The following XPO6 variants were observed in gnomAD, a reference collection of about 807,000 sequenced individuals.
XPO6 encodes exportin 6, also known as exportin-6.
In XPO6, 3 loss-of-function variants were observed where a neutral mutation model predicts 130.0. That is an observed-to-expected ratio of 0.02 (90% confidence interval 0.01 to 0.06). The LOEUF is 0.06. Ranked by LOEUF, XPO6 falls within the 10% of genes least tolerant of loss-of-function variation. XPO6 has a pLI of 1.00. For missense variants in XPO6, 970 were observed against 1,393.0 expected (o/e 0.70, Z 4.83); for synonymous variants, 524 against 548.9 (o/e 0.95, Z 0.63).
intron 11 of XPO6, 91 bp downstream of exon 11, chr16:28,133,750 G>A: frequency 1.8e-6 from 2 of 1,117,886 alleles, no homozygotes; most frequent in Non-Finnish European, 2.6e-6. Context: ...GGGAAAGAGG[G>A]GAGAGAGAGA....
rs1567592040 is a variant in XPO6, at chr16:28,106,823, A to C, written c.2498-326T>G. Among the ~76,000 whole-genome samples the C allele has an allele frequency of 6.6e-6, 1 of 152,172 alleles. No individual in the cohort carries two copies. Among genetic ancestry groups the C allele is most frequent in the Non-Finnish European group, 1.5e-5 (1 of 68,026 alleles). Reference sequence around the variant, plus strand: ...GGATCACTTTGTGCCCACACTGATGAATGCCAACTGGGTCAACACCTGAGT... The same window carrying C: ...GGATCACTTTGTGCCCACACTGATGCATGCCAACTGGGTCAACACCTGAGT... On this transcript the variant is annotated intron_variant, in intron 18 of 23. Transcript: ENST00000304658. The surrounding 1 kb of genome is among the most constrained non-coding windows in gnomAD (Gnocchi z 4.2).
At position 28,106,408 on chromosome 16, in the gene XPO6, G is replaced by C; in HGVS notation, c.2587C>G (p.Gln863Glu). 1 of 1,614,170 alleles carries C rather than the reference G, an allele frequency of 6.2e-7. No homozygotes were observed. The highest frequency in any genetic ancestry group is 8.5e-7 in the Non-Finnish European group (1 of 1,179,976). The part of the protein sequence containing the change: ...MGVPFTEQII[Q>E]TFLNMFTREQ... ...CTGGTAAACATGTTGAGGAAAGTCT[G>C]TATGATTTGCTCAGTGAAAGGCACA... Residue 863 changes from glutamine to glutamate, a missense_variant, in exon 19 of 24, where the codon CAG (glutamine) becomes GAG (glutamate). This residue lies in a region of XPO6 where 936 missense variants were observed against 1,306.8 expected (regional missense o/e 0.72). Coordinates refer to ENST00000304658, the MANE Select transcript of XPO6 (RefSeq NM_015171.4). This position sits in a 1 kb window ranked among gnomAD's most constrained non-coding sequence, Gnocchi z 4.2.
At chr16:28,119,584 T>C (rs1379048046) in intron 14 of XPO6, among the ~76,000 whole-genome samples, 1 of 151,982 alleles carries the variant, frequency 6.6e-6, no homozygotes, top group Non-Finnish European at 1.5e-5. Flanking sequence ...ACAAACACAA[T>C]TGGGTGAACT....
intron 1 of XPO6, among the ~76,000 whole-genome samples, chr16:28,199,042 A>C (rs1312774531): frequency 6.6e-6 from 1 of 152,186 alleles, no homozygotes; most frequent in African/African-American, 2.4e-5. Flanking sequence ...TGGGAGGCTA[A>C]GGCAGGAGAA....
intron 17 of XPO6, chr16:28,111,335 T>C (rs1428537031): frequency 1.3e-5 from 2 of 152,338 alleles, no homozygotes; most frequent in African/African-American, 4.8e-5. Context: ...ACAAGCAAAC[T>C]TCAAGTGCCA....
At chr16:28,210,286 A>G (rs1195842417) in intron 1 of XPO6, among the ~76,000 whole-genome samples, 1 of 152,200 alleles carries the variant, frequency 6.6e-6, no homozygotes, top group Non-Finnish European at 1.5e-5. Context: ...AAAATTCCAC[A>G]GGCCTTAAGG....
chr16:28,182,300 A>T (rs1338919684), intron 1 of XPO6, among the ~76,000 whole-genome samples: 3 of 152,142 alleles, frequency 2.0e-5, no homozygotes, highest in Non-Finnish European at 4.4e-5. Flanking sequence ...CTGAGGAACA[A>T]ATTTTCATCT....
At chr16:28,098,969 C>T (rs778429695) in intron 23 of XPO6, among the ~76,000 whole-genome samples, 17 of 152,300 alleles carry the variant, frequency 1.1e-4, no homozygotes, top group Admixed American at 3.3e-4. Context: ...AAGACCAAAG[C>T]GCTGCACCAT....
At chr16:28,206,167 CAT>C (rs762810221) in intron 1 of XPO6, among the ~76,000 whole-genome samples, 25 of 149,402 alleles carry the variant, frequency 1.7e-4, no homozygotes, top group Admixed American at 2.7e-4. Context: ...CACACACACA[CAT>C]ATTAACTATT....
At chr16:28,124,445 T>C (rs1359371492) in intron 13 of XPO6, among the ~76,000 whole-genome samples, 4 of 152,182 alleles carry the variant, frequency 2.6e-5, no homozygotes, top group Admixed American at 1.3e-4. Context: ...GAAAAACATG[T>C]CTTATCCCTG....
intron 1 of XPO6, among the ~76,000 whole-genome samples, chr16:28,210,962 G>A (rs2044119501): frequency 6.6e-6 from 1 of 152,204 alleles, no homozygotes; most frequent in Non-Finnish European, 1.5e-5. Flanking sequence ...CCTTGAGCTG[G>A]GGAATTAATT....
At chr16:28,109,802 A>C (rs1341390690) in intron 17 of XPO6, among the ~76,000 whole-genome samples, 1 of 152,256 alleles carries the variant, frequency 6.6e-6, no homozygotes, top group East Asian at 1.9e-4. Flanking sequence ...GGAAAGTGTT[A>C]ATATGGCTAC....
Position 28,111,672 on chromosome 16 carries a change from C to G in XPO6, c.2341+145G>C, listed in dbSNP as rs558201999. The G allele has an allele frequency of 1.0e-5, 8 of 802,816 alleles. No homozygotes were observed. The Admixed American group carries it at 2.1e-4, about 22-fold the overall frequency. The allele number at this position is 802,816 out of a possible 1,614,324, so 49.7% of individuals were successfully genotyped here. On this transcript the variant is annotated intron_variant, in intron 17 of 23. Transcript: ENST00000304658. ...TTCCAAAGGTAGCAGGATCCCACCC[C>G]CAAGTATGACTTCCTGCTCAGCCTC...
At chr16:28,120,371 A>G (rs1433061112) in intron 14 of XPO6, among the ~76,000 whole-genome samples, 1 of 152,250 alleles carries the variant, frequency 6.6e-6, no homozygotes, top group Non-Finnish European at 1.5e-5. Context: ...ACTTTAAAGT[A>G]AGAAAATATA....
chr16:28,179,697 T>C lies in XPO6; in HGVS notation c.94+1244A>G, dbSNP rs1054881431. Among the ~76,000 whole-genome samples the C allele has an allele frequency of 3.9e-5, 6 of 152,346 alleles. No individual in the cohort carries two copies. In the South Asian group the frequency reaches 1.0e-3, roughly 26 times the overall value. ...GAAGAAAAGGCTTCCTTCCTTTCTC[T>C]GACCAAACTAGGAAAAGCCTAGAGT... On this transcript the variant is annotated intron_variant, in intron 2 of 23. Coordinates refer to ENST00000304658, the MANE Select transcript of XPO6 (RefSeq NM_015171.4).
At chr16:28,126,605 G>A (rs1397912328) in intron 12 of XPO6, 4 of 152,186 alleles carry the variant, frequency 2.6e-5, no homozygotes, top group Non-Finnish European at 5.9e-5. Context: ...ACTAAGGTCT[G>A]AAATTTCCTT....
chr16:28,161,161 G>A (rs1371920711), intron 6 of XPO6, among the ~76,000 whole-genome samples: 1 of 152,140 alleles, frequency 6.6e-6, no homozygotes, highest in Admixed American at 6.5e-5. Flanking sequence ...CATTTCTGAA[G>A]GGTTAACTGC....
At chr16:28,104,493 G>A in intron 21 of XPO6, 53 bp downstream of exon 21, 10 of 1,596,426 alleles carry the variant, frequency 6.3e-6, no homozygotes, top group Non-Finnish European at 8.6e-6. Flanking sequence ...AGGACTCGCT[G>A]CAGTGGTCAG....
In XPO6 at chr16:28,117,423, G is replaced by A; in HGVS notation, c.1899C>T (p.His633=). 1 of 1,614,182 alleles carries A rather than the reference G, an allele frequency of 6.2e-7. No homozygotes were observed. The highest frequency in any genetic ancestry group is 8.5e-7 in the Non-Finnish European group (1 of 1,180,000). The change falls in exon 15 of 24, where the codon CAC becomes CAT. Residue 633 remains histidine (H), a synonymous_variant. Coordinates refer to ENST00000304658, the MANE Select transcript of XPO6 (RefSeq NM_015171.4). ...CTTCACTGCAATACTGTGCTAACCA[G>A]TGAGAGTAAGCCTGCAGCGCAGCCA... is the stretch of plus-strand genomic sequence containing the variant. ...QSLAALQAYS[H]WLAQYCSEVH... is the part of the protein sequence containing the mutation.
Sources: gnomAD v4.1 joint callset for allele counts (sites outside exome capture counted in the v4.1 genomes callset) on GRCh38, gnomAD v4.1.1 for gene constraint, gnomAD v4.1.1 regional missense constraint, Gnocchi (gnomAD v3.1) non-coding constraint, MANE v1.5 for transcripts, NCBI Gene and HGNC (gene_info 2026-07-23, HGNC 2026-07-21) for gene names.